Variants in AKR1C8 observed in about 807,000 individuals in gnomAD.
AKR1C8 encodes the protein aldo-keto reductase family 1 member C-like protein 1.
At chr10:5,169,346 C>T in the AKR1C8 span, among the ~76,000 whole-genome samples, 28 of 152,002 alleles carry the variant, frequency 1.8e-4, no homozygotes, top group Non-Finnish European at 2.9e-4. Context: ...TGCTGGGGGG[C>T]GGGGGAGACT....
At chr10:5,153,588 C>T in the AKR1C8 span, among the ~76,000 whole-genome samples, 3 of 152,058 alleles carry the variant, frequency 2.0e-5, no homozygotes, top group Admixed American at 1.3e-4. Flanking sequence ...GCTGGGTAAG[C>T]GTCAGGAAAC....
At chr10:5,162,123 A>T in the AKR1C8 span, 2 of 367,172 alleles carry the variant, frequency 5.4e-6, no homozygotes, top group African/African-American at 4.3e-5. Flanking sequence ...TACTCAGTAT[A>T]AATCAAGTCC....
the AKR1C8 span, chr10:5,157,765 G>C: frequency 1.5e-5 from 7 of 471,726 alleles, no homozygotes; most frequent in Admixed American, 1.6e-4. Context: ...TTTCAAGATC[G>C]GCTCCTCCAA....
At chr10:5,119,031 A>C in the AKR1C8 span, among the ~76,000 whole-genome samples, 2 of 152,136 alleles carry the variant, frequency 1.3e-5, no homozygotes, top group African/African-American at 4.8e-5. Context: ...TGGTCTCCCA[A>C]TAGGCATTTA....
chr10:5,163,475 C>T, the AKR1C8 span, among the ~76,000 whole-genome samples: 1 of 152,188 alleles, frequency 6.6e-6, no homozygotes, highest in African/African-American at 2.4e-5. Context: ...CCCTACCTCC[C>T]TGTGACCAGT....
At chr10:5,146,496 G>T in the AKR1C8 span, among the ~76,000 whole-genome samples, 1 of 152,094 alleles carries the variant, frequency 6.6e-6, no homozygotes. Context: ...GATATCCCGA[G>T]AGAGAAGCTT....
At chr10:5,158,894 G>A in the AKR1C8 span, among the ~76,000 whole-genome samples, 1 of 152,138 alleles carries the variant, frequency 6.6e-6, no homozygotes, top group South Asian at 2.1e-4. Flanking sequence ...CACTGATACA[G>A]TAATTTTCTT....
At chr10:5,165,743 G>C in the AKR1C8 span, among the ~76,000 whole-genome samples, 153 of 152,240 alleles carry the variant, frequency 1.0e-3, 1 homozygote, top group African/African-American at 3.5e-3. Flanking sequence ...GCCATAGCTT[G>C]AAAAGACAGA....
chr10:5,170,715 C>T, the AKR1C8 span, among the ~76,000 whole-genome samples: 1 of 152,088 alleles, frequency 6.6e-6, no homozygotes, highest in Non-Finnish European at 1.5e-5. Context: ...GCTTTATTGG[C>T]TTCATAAGTT....
chr10:5,150,959 C>A, the AKR1C8 span, among the ~76,000 whole-genome samples: 225 of 152,244 alleles, frequency 1.5e-3, 1 homozygote, highest in African/African-American at 5.2e-3. Context: ...CTACTCAAAT[C>A]AGTCTCCCTG....
chr10:5,137,693 C>T, the AKR1C8 span, among the ~76,000 whole-genome samples: 59,553 of 151,878 alleles, frequency 0.39, 12,484 homozygotes, highest in Non-Finnish European at 0.43. Flanking sequence ...GCCCCCAATA[C>T]TTCAGTGTAT....
At chr10:5,121,042 T>C in the AKR1C8 span, among the ~76,000 whole-genome samples, 1 of 152,162 alleles carries the variant, frequency 6.6e-6, no homozygotes, top group Non-Finnish European at 1.5e-5. Flanking sequence ...AATCCAGGTT[T>C]TTTTTTAAGT....
the AKR1C8 span, among the ~76,000 whole-genome samples, chr10:5,184,738 ATATTAGGTAACATTGATAC>A: frequency 6.6e-6 from 1 of 152,258 alleles, no homozygotes; most frequent in Non-Finnish European, 1.5e-5. Context: ...AGCATTTGAT[ATATTAGGTAACATTGATAC>A]TTTTAATAGA....
At chr10:5,158,320 T>A in the AKR1C8 span, among the ~76,000 whole-genome samples, 36 of 152,322 alleles carry the variant, frequency 2.4e-4, no homozygotes, top group African/African-American at 8.2e-4. Flanking sequence ...GCCAAAATTG[T>A]ACAGCATTAC....
chr10:5,177,590 C>G, the AKR1C8 span, among the ~76,000 whole-genome samples: 2 of 152,160 alleles, frequency 1.3e-5, no homozygotes, highest in African/African-American at 4.8e-5. Context: ...TAGAATTCGG[C>G]TGTGAATCCA....
At chr10:5,134,464 T>C in the AKR1C8 span, among the ~76,000 whole-genome samples, 1 of 152,216 alleles carries the variant, frequency 6.6e-6, no homozygotes, top group Non-Finnish European at 1.5e-5. Flanking sequence ...TTTTGCCTAC[T>C]TTCATGTCAG....
At chr10:5,173,918 A>T in the AKR1C8 span, among the ~76,000 whole-genome samples, 1 of 152,082 alleles carries the variant, frequency 6.6e-6, no homozygotes, top group Admixed American at 6.6e-5. Context: ...ACCACCCTTA[A>T]TACCTGCATA....
the AKR1C8 span, among the ~76,000 whole-genome samples, chr10:5,169,262 T>TGCTCC: frequency 6.6e-6 from 1 of 152,192 alleles, no homozygotes. Context: ...GAGATGATGG[T>TGCTCC]GCTCCTGTTC....
chr10:5,159,921 T>G, the AKR1C8 span: 1 of 521,134 alleles, frequency 1.9e-6, no homozygotes, highest in Non-Finnish European at 3.9e-6. Context: ...CCTGGCTTGT[T>G]GAGGATGAGT....
Sources: gnomAD v4.1 joint callset for allele counts (sites outside exome capture counted in the v4.1 genomes callset) on GRCh38, gnomAD v4.1.1 for gene constraint, MANE v1.5 for transcripts, NCBI Gene and HGNC (gene_info 2026-07-23, HGNC 2026-07-21) for gene names.